Variants in SEC62 observed in about 807,000 individuals in gnomAD.
SEC62 encodes SEC62 preprotein translocation factor.
A neutral mutation model predicts 47.5 loss-of-function variants in SEC62; 10 were observed. That is an observed-to-expected ratio of 0.21 (90% CI 0.13 to 0.36). The LOEUF is 0.36. SEC62 is among the 10% of genes least tolerant of loss of function. The pLI is 1.00. For missense variants in SEC62, 327 were observed against 464.1 expected (o/e 0.70, Z 2.71); for synonymous variants, 136 against 150.5 (o/e 0.90, Z 0.71).
At chr3:169,986,212 A>C (rs964223881) in intron 6 of SEC62, among the ~76,000 whole-genome samples, 1 of 152,178 alleles carries the variant, frequency 6.6e-6, no homozygotes, top group African/African-American at 2.4e-5. Flanking sequence ...CTTAGAAAAA[A>C]ATCAGCTCTC....
chr3:169,993,192 C>G lies in SEC62; in HGVS notation c.*129C>G. 5.6e-6 allele frequency: 4 copies of G among 708,752 alleles called. No homozygotes were observed. The highest frequency in any genetic ancestry group is 2.0e-5 in the South Asian group (1 of 50,336). 43.9% of individuals were successfully genotyped at this position (708,752 alleles called of 1,614,324 possible). A position where few individuals can be genotyped will look rare whatever the true frequency, so the allele number is the denominator to read the frequency against. On this transcript the variant is annotated 3_prime_UTR_variant, in exon 8 of 8. Transcript: ENST00000337002. ...TATCTACTGAAATGTATTTGACATT[C>G]AAGCAGTTATATTCGGTCCTTCATT...
At chr3:169,986,579 G>A (rs1432962998) in intron 6 of SEC62, among the ~76,000 whole-genome samples, 2 of 152,090 alleles carry the variant, frequency 1.3e-5, no homozygotes, top group Non-Finnish European at 2.9e-5. Flanking sequence ...AGTAAGAATA[G>A]TATAAGCTCA....
Position 169,996,595 on chromosome 3 carries a change from C to T in SEC62, c.*3532C>T, listed in dbSNP as rs1436460739. 1 of 152,354 alleles carries T rather than the reference C, an allele frequency of 6.6e-6. No homozygotes were observed. Among genetic ancestry groups the T allele is most frequent in the Non-Finnish European group, 1.5e-5 (1 of 68,106 alleles). The allele number at this position is 152,354 out of a possible 1,614,324, so 9.4% of individuals were successfully genotyped here. A position where few individuals can be genotyped will look rare whatever the true frequency, so the allele number is the denominator to read the frequency against. ...ACCACAGCAGTGGGCTCCTATGCCT[C>T]CTGGCTTCTGAGTGGGTTTGGCCAA... On this transcript the variant is annotated 3_prime_UTR_variant, in exon 8 of 8. Coordinates refer to ENST00000337002, the MANE Select transcript of SEC62 (RefSeq NM_003262.4).
At position 169,993,278 on chromosome 3, in the gene SEC62, TG is replaced by T. The variant is rs1715291339; in HGVS notation, c.*216del. 2 of 448,062 alleles carry T rather than the reference TG, an allele frequency of 4.5e-6. No individual in the cohort carries two copies. Among genetic ancestry groups the T allele is most frequent in the Non-Finnish European group, 7.9e-6 (2 of 254,116 alleles). The allele number at this position is 448,062 out of a possible 1,614,324, so 27.8% of individuals were successfully genotyped here. A position where few individuals can be genotyped will look rare whatever the true frequency, so the allele number is the denominator to read the frequency against. On this transcript the variant is annotated 3_prime_UTR_variant, in exon 8 of 8. Coordinates refer to ENST00000337002, the MANE Select transcript of SEC62 (RefSeq NM_003262.4). ...AAGCCATTAATATGTTTTATCCATTTGATAATTTTACAGTAAGTAGGTCTCA... is the reference window on the plus strand; with the variant it reads ...AAGCCATTAATATGTTTTATCCATTTATAATTTTACAGTAAGTAGGTCTCA...
At position 169,994,309 on chromosome 3, in the gene SEC62, CTAAT is replaced by C. The variant is rs896519750; in HGVS notation, c.*1247_*1250del. On this transcript the variant is annotated 3_prime_UTR_variant, in exon 8 of 8. Coordinates refer to ENST00000337002, the MANE Select transcript of SEC62 (RefSeq NM_003262.4). The stretch of plus-strand genomic sequence containing the variant: ...TAATCATTCCTTGGAGTTATACTAA[CTAAT>C]AATGAATATTAAATGATTTTTCTTC... 5 of 152,576 alleles carry C rather than the reference CTAAT, an allele frequency of 3.3e-5. No homozygotes were observed. Among genetic ancestry groups the C allele is most frequent in the Admixed American group, 2.6e-4 (4 of 15,278 alleles). 9.5% of individuals were successfully genotyped at this position (152,576 alleles called of 1,614,324 possible).
Position 169,982,761 on chromosome 3 carries a change from T to C in SEC62, c.306T>C (p.Tyr102=), listed in dbSNP as rs1435528465. Residue 102 remains tyrosine, a synonymous_variant, in exon 4 of 8, where the codon TAT becomes TAC. Transcript: ENST00000337002. The part of the protein sequence containing the change: ...HRALKVMKMK[Y]DKDIKKEKDK... The stretch of plus-strand genomic sequence containing the variant: ...CCCTAAAAGTAATGAAAATGAAATA[T>C]GATAAAGACATAAAGAAAGAAAAAG... 1 of 1,599,520 alleles carries C rather than the reference T, an allele frequency of 6.3e-7. No homozygotes were observed. The highest frequency in any genetic ancestry group is 8.5e-7 in the Non-Finnish European group (1 of 1,173,384).
At chr3:169,971,068 C>CT (rs747459014) in intron 1 of SEC62, among the ~76,000 whole-genome samples, 4,287 of 136,958 alleles carry the variant, frequency 0.031, 224 homozygotes, top group African/African-American at 0.1. Flanking sequence ...TCTCATGGTA[C>CT]TTTTTTTTTT....
rs550235643 is a variant in SEC62, at chr3:169,994,556, A to T, written c.*1493A>T. 1 of 152,574 alleles carries T rather than the reference A, an allele frequency of 6.6e-6. No homozygotes were observed. Among genetic ancestry groups the T allele is most frequent in the Admixed American group, 6.5e-5 (1 of 15,300 alleles). The allele number at this position is 152,574 out of a possible 1,614,324, so 9.5% of individuals were successfully genotyped here. On this transcript the variant is annotated 3_prime_UTR_variant, in exon 8 of 8. Coordinates refer to ENST00000337002, the MANE Select transcript of SEC62 (RefSeq NM_003262.4). Reference sequence around the variant, plus strand: ...GACATAAATGTGGCTATTTGATGTTAATGCAACTATGTCAAGGCTGCAATC... The same window carrying T: ...GACATAAATGTGGCTATTTGATGTTTATGCAACTATGTCAAGGCTGCAATC...
At chr3:169,978,350 A>T (rs1442063151) in intron 3 of SEC62, among the ~76,000 whole-genome samples, 1 of 152,212 alleles carries the variant, frequency 6.6e-6, no homozygotes, top group Non-Finnish European at 1.5e-5. Context: ...AGTTAGAATT[A>T]GCTCCAGCAA....
At position 169,977,774 on chromosome 3, in the gene SEC62, T is replaced by C. The variant is rs3772181; in HGVS notation, c.251+723T>C. On this transcript the variant is annotated intron_variant, in intron 3 of 7. Transcript: ENST00000337002. ...ATATGTTAACTAAATTTTGTTTTCA[T>C]AACACTAAAGCTTATCTTTTGGGAT... Among the ~76,000 whole-genome samples the C allele has an allele frequency of 5.5e-3, 830 of 152,064 alleles. 40 individuals are homozygous for C. In the East Asian group the frequency reaches 0.13, roughly 24 times the overall value.
chr3:169,971,581 C>A (rs749207489), intron 1 of SEC62, among the ~76,000 whole-genome samples: 4 of 152,180 alleles, frequency 2.6e-5, no homozygotes, highest in Non-Finnish European at 5.9e-5. Flanking sequence ...CTGGTCTCTT[C>A]CTTTCATTGC....
At chr3:169,970,088 T>C (rs1559963407) in intron 1 of SEC62, among the ~76,000 whole-genome samples, 1 of 152,194 alleles carries the variant, frequency 6.6e-6, no homozygotes, top group Admixed American at 6.5e-5. Flanking sequence ...AGGAAGCCAG[T>C]CCTAAATCAG....
In SEC62 at chr3:169,993,348, T is replaced by G. The variant is rs1715293510; in HGVS notation, c.*285T>G. 3.7e-6 allele frequency: 1 copy of G among 273,808 alleles called. No homozygotes were observed. The highest frequency in any genetic ancestry group is 4.9e-5 in the Admixed American group (1 of 20,590). The allele number at this position is 273,808 out of a possible 1,614,324, so 17.0% of individuals were successfully genotyped here. On this transcript the variant is annotated 3_prime_UTR_variant, in exon 8 of 8. Coordinates refer to ENST00000337002, the MANE Select transcript of SEC62 (RefSeq NM_003262.4). ...AAAGATGTACTTTCCACAGTTAAATTTACATTAATGGCAATTTTTGATAGT... is the reference window on the plus strand; with the variant it reads ...AAAGATGTACTTTCCACAGTTAAATGTACATTAATGGCAATTTTTGATAGT...
chr3:169,981,329 T>C (rs1336311906), intron 3 of SEC62, among the ~76,000 whole-genome samples: 1 of 152,206 alleles, frequency 6.6e-6, no homozygotes, highest in Non-Finnish European at 1.5e-5. Context: ...GGGGAGCAGA[T>C]GGAAGCCCAG....
At chr3:169,967,626 G>A (rs1166013842) in intron 1 of SEC62, among the ~76,000 whole-genome samples, 1 of 152,102 alleles carries the variant, frequency 6.6e-6, no homozygotes, top group Non-Finnish European at 1.5e-5. Context: ...CGTGTCATTT[G>A]TGCATTTCTT....
Position 169,992,622 on chromosome 3 carries a change from G to T in SEC62, c.759G>T (p.Trp253Cys). 4 of 1,613,480 alleles carry T rather than the reference G, an allele frequency of 2.5e-6. No homozygotes were observed. Among genetic ancestry groups the T allele is most frequent in the Non-Finnish European group, 3.4e-6 (4 of 1,179,888 alleles). Residue 253 changes from tryptophan (W) to cysteine (C), a missense_variant, in exon 8 of 8, where the codon TGG becomes TGT. Coordinates refer to ENST00000337002, the MANE Select transcript of SEC62 (RefSeq NM_003262.4). This position sits in a 1 kb window ranked among gnomAD's most constrained non-coding sequence, Gnocchi z 4.0. ...GATGCATTCTATTTCTCATCATTTGGCTCATAACTGGAGGAAGGCACCACT... is the reference window on the plus strand; with the variant it reads ...GATGCATTCTATTTCTCATCATTTGTCTCATAACTGGAGGAAGGCACCACT... ...VARCILFLIIWLITGGRHHFW... is the reference protein window; with the variant it reads ...VARCILFLIICLITGGRHHFW...
At chr3:169,986,795 A>T (rs1281865133) in intron 6 of SEC62, among the ~76,000 whole-genome samples, 1 of 152,100 alleles carries the variant, frequency 6.6e-6, no homozygotes, top group Non-Finnish European at 1.5e-5. Context: ...TGGCACAATC[A>T]TGGCTCACTG....
Position 169,995,982 on chromosome 3 carries a change from G to A in SEC62, c.*2919G>A, listed in dbSNP as rs1715365635. The A allele has an allele frequency of 6.6e-6, 1 of 151,798 alleles. No individual in the cohort carries two copies. Among genetic ancestry groups the A allele is most frequent in the Non-Finnish European group, 1.5e-5 (1 of 68,036 alleles). The allele number at this position is 151,798 out of a possible 1,614,324, so 9.4% of individuals were successfully genotyped here. ...GCTTTTTGCCCTTAGCACTATGCTTGGGGGCCATTTTAAACAGTGAAATCA... is the reference window on the plus strand; with the variant it reads ...GCTTTTTGCCCTTAGCACTATGCTTAGGGGCCATTTTAAACAGTGAAATCA... On this transcript the variant is annotated 3_prime_UTR_variant, in exon 8 of 8. Coordinates refer to ENST00000337002, the MANE Select transcript of SEC62 (RefSeq NM_003262.4).
At chr3:169,986,723 A>G (rs1156856149) in intron 6 of SEC62, among the ~76,000 whole-genome samples, 1 of 152,102 alleles carries the variant, frequency 6.6e-6, no homozygotes, top group African/African-American at 2.4e-5. Flanking sequence ...AATTTTCTCT[A>G]TACCTTTTGA....
Sources: allele counts gnomAD v4.1 joint callset (sites outside exome capture counted in the v4.1 genomes callset), GRCh38; gene constraint gnomAD v4.1.1; non-coding constraint Gnocchi (gnomAD v3.1); transcripts MANE v1.5; gene names NCBI Gene and HGNC (gene_info 2026-07-23, HGNC 2026-07-21).